The following MAP3K20 variants were observed in gnomAD, a reference collection of about 807,000 sequenced individuals.
MAP3K20 encodes HCCS-4.
MAP3K20 carries 40 observed loss-of-function variants against 85.7 expected under a neutral mutation model. That is an observed-to-expected ratio of 0.47 (90% CI 0.36 to 0.61). The LOEUF is 0.61. MAP3K20 is among the 20% of genes least tolerant of loss of function. The pLI, the probability that MAP3K20 is intolerant of heterozygous loss-of-function variation, is 0.00. For synonymous variants in MAP3K20, 325 were observed against 327.7 expected (o/e 0.99, Z 0.09); for missense variants, 817 against 961.7 (o/e 0.85, Z 1.99).
intron 18 of MAP3K20, among the ~76,000 whole-genome samples, chr2:173,261,871 G>T (rs1211962841): frequency 6.6e-6 from 1 of 151,970 alleles, no homozygotes. Flanking sequence ...ACAAAAAGTA[G>T]CCAGGTGTGG....
At position 173,190,918 on chromosome 2, in the gene MAP3K20, T is replaced by C. The variant is rs35853276; in HGVS notation, c.439T>C (p.Leu147=). 159,280 of 1,596,050 alleles carry C rather than the reference T, an allele frequency of 0.1. 9,932 individuals carry two copies. Among genetic ancestry groups the C allele is most frequent in the African/African-American group, 0.26 (19,188 of 73,912 alleles). Residue 147 remains leucine, a synonymous_variant, in exon 6 of 20, where the codon TTG becomes CTG. Transcript: ENST00000375213. ...RNVVIAADGV[L]KICDFGASRF... is the part of the protein sequence containing the mutation. ...AGTTGTTATAGCTGCTGATGGAGTA[T>C]TGAAGGTAGGACTATTTCTTTTACT... is the stretch of plus-strand genomic sequence containing the variant.
At position 173,261,067 on chromosome 2, in the gene MAP3K20, C is replaced by G. The variant is rs1384823806; in HGVS notation, c.1481C>G (p.Pro494Arg). The change falls in exon 18 of 20, where the codon CCA (proline) becomes CGA (arginine). Residue 494 changes from proline (P) to arginine (R), a missense_variant. Pro to Arg is a moderately radical substitution (Grantham distance 103). This residue lies in a region of MAP3K20 where 454 missense variants were observed against 476.9 expected (regional missense o/e 0.95). Transcript: ENST00000375213. ...ATCCTAACTTTTGTTTTTCAGCCAC[C>G]ATTTGTAATGGAGAAGTGGATTGTA... ...DAEILKMTKP[P>R]FVMEKWIVGI... 3 of 1,613,280 alleles carry G rather than the reference C, an allele frequency of 1.9e-6. No individual in the cohort carries two copies. Among genetic ancestry groups the G allele is most frequent in the East Asian group, 2.2e-5 (1 of 44,848 alleles).
chr2:173,153,685 A>T (rs537886762), intron 2 of MAP3K20, among the ~76,000 whole-genome samples: 7 of 152,328 alleles, frequency 4.6e-5, no homozygotes, highest in Non-Finnish European at 1.0e-4. Context: ...ATTTCACGGT[A>T]TCTGCAGAAG....
intron 2 of MAP3K20, among the ~76,000 whole-genome samples, chr2:173,096,710 G>T (rs1204641299): frequency 6.6e-6 from 1 of 152,202 alleles, no homozygotes; most frequent in Non-Finnish European, 1.5e-5. Context: ...TCAATATGTG[G>T]CTGTAGAGTG....
At chr2:173,237,018 C>CTTTTT (rs1388150311) in intron 14 of MAP3K20, among the ~76,000 whole-genome samples, 94 of 119,846 alleles carry the variant, frequency 7.8e-4, no homozygotes, top group Non-Finnish European at 9.2e-4. Context: ...AGTATATCCA[C>CTTTTT]CTTTTTTTTT....
intron 11 of MAP3K20, chr2:173,221,716 G>A: frequency 7.7e-7 from 1 of 1,304,094 alleles, no homozygotes; most frequent in Non-Finnish European, 9.8e-7. Flanking sequence ...AAAAACGGGG[G>A]GAGAATTAAG....
intron 2 of MAP3K20, among the ~76,000 whole-genome samples, chr2:173,153,061 G>T (rs909345539): frequency 2.0e-4 from 30 of 152,130 alleles, no homozygotes; most frequent in Admixed American, 1.6e-3. Flanking sequence ...TTTAGATAAG[G>T]TGTATGGGAA....
intron 16 of MAP3K20, among the ~76,000 whole-genome samples, chr2:173,242,553 T>C (rs1219236847): frequency 2.6e-5 from 4 of 152,064 alleles, no homozygotes; most frequent in African/African-American, 4.8e-5. Context: ...TAAGGAGCTA[T>C]GGATAATATT....
chr2:173,209,645 A>T, intron 9 of MAP3K20, 84 bp from the exon 10 acceptor site: 1 of 1,112,168 alleles, frequency 9.0e-7, no homozygotes, highest in Non-Finnish European at 1.3e-6. Context: ...TGAGTTTATT[A>T]CTATGCTTGT....
At chr2:173,085,325 G>A (rs1309148470) in intron 1 of MAP3K20, among the ~76,000 whole-genome samples, 3 of 152,158 alleles carry the variant, frequency 2.0e-5, no homozygotes, top group African/African-American at 7.2e-5. Context: ...TAGAAGGTCT[G>A]TGAATAGAGA....
chr2:173,245,730 G>A (rs1462694512), intron 16 of MAP3K20, among the ~76,000 whole-genome samples: 4 of 152,264 alleles, frequency 2.6e-5, no homozygotes, highest in South Asian at 2.1e-4. Flanking sequence ...TTAGGAGTTC[G>A]AGGCCAGCCT....
intron 2 of MAP3K20, among the ~76,000 whole-genome samples, chr2:173,091,465 A>G (rs1004995604): frequency 6.6e-6 from 1 of 152,210 alleles, no homozygotes. Flanking sequence ...TCCTGGAGGC[A>G]GAGGTGAGAT....
intron 2 of MAP3K20, among the ~76,000 whole-genome samples, chr2:173,129,155 G>A (rs1256243958): frequency 2.0e-5 from 3 of 152,034 alleles, no homozygotes; most frequent in Admixed American, 6.5e-5. Flanking sequence ...TCTCAATCTC[G>A]TGACCTCGTG....
chr2:173,222,563 T>C (rs1684281305), intron 11 of MAP3K20: 1 of 985,476 alleles, frequency 1.0e-6, no homozygotes. Flanking sequence ...CTCCTGTATT[T>C]TCCAGCAAGT....
chr2:173,240,345 C>G (rs879363997), intron 16 of MAP3K20, among the ~76,000 whole-genome samples: 1 of 152,156 alleles, frequency 6.6e-6, no homozygotes, highest in Non-Finnish European at 1.5e-5. Flanking sequence ...GTAAGCCTAC[C>G]GATTGCTCTG....
chr2:173,159,543 C>A (rs1409366737), intron 2 of MAP3K20, among the ~76,000 whole-genome samples: 1 of 152,096 alleles, frequency 6.6e-6, no homozygotes, highest in African/African-American at 2.4e-5. Flanking sequence ...GCACATGCCA[C>A]TACGCCTGGC....
chr2:173,182,100 G>C (rs975228118), intron 3 of MAP3K20, among the ~76,000 whole-genome samples: 1 of 152,012 alleles, frequency 6.6e-6, no homozygotes, highest in African/African-American at 2.4e-5. Flanking sequence ...AAGAAATAAA[G>C]ACATTATGCT....
intron 2 of MAP3K20, among the ~76,000 whole-genome samples, chr2:173,096,869 A>G (rs974689298): frequency 4.6e-5 from 7 of 152,230 alleles, no homozygotes; most frequent in South Asian, 4.1e-4. Flanking sequence ...GATCTTAAGC[A>G]TATACACCAA....
intron 2 of MAP3K20, among the ~76,000 whole-genome samples, chr2:173,141,013 G>T (rs773182530): frequency 2.6e-5 from 4 of 152,012 alleles, no homozygotes; most frequent in Admixed American, 6.6e-5. Flanking sequence ...ACTAGATTAT[G>T]ATATTTTATA....
Sources: allele counts gnomAD v4.1 joint callset (sites outside exome capture counted in the v4.1 genomes callset), GRCh38; gene constraint gnomAD v4.1.1; regional missense constraint gnomAD v4.1.1; transcripts MANE v1.5; gene names NCBI Gene and HGNC (gene_info 2026-07-23, HGNC 2026-07-21).